The following ARB2A variants were observed in gnomAD, a reference collection of about 807,000 sequenced individuals.
ARB2A encodes the protein cotranscriptional regulator ARB2A.
chr5:93,862,087 T>A, the ARB2A span: 1 of 152,244 alleles, frequency 6.6e-6, no homozygotes, highest in Non-Finnish European at 1.5e-5. Context: ...TATGATTTAT[T>A]ACTTCCTTGA....
chr5:93,856,273 T>C, the ARB2A span, among the ~76,000 whole-genome samples: 1 of 152,146 alleles, frequency 6.6e-6, no homozygotes, highest in Non-Finnish European at 1.5e-5. Flanking sequence ...GAGTTGCTCT[T>C]CTCGAGGAGT....
At chr5:93,932,663 G>C in the ARB2A span, among the ~76,000 whole-genome samples, 1 of 152,088 alleles carries the variant, frequency 6.6e-6, no homozygotes, top group African/African-American at 2.4e-5. Flanking sequence ...TACATAATTG[G>C]AACTGTTTTT....
chr5:93,659,861 T>C, the ARB2A span, among the ~76,000 whole-genome samples: 1 of 152,150 alleles, frequency 6.6e-6, no homozygotes, highest in Non-Finnish European at 1.5e-5. Flanking sequence ...TCCGCAGTAC[T>C]AAACTACCCC....
the ARB2A span, among the ~76,000 whole-genome samples, chr5:93,979,018 G>A: frequency 6.6e-6 from 1 of 152,012 alleles, no homozygotes; most frequent in South Asian, 2.1e-4. Context: ...TACTTAAAAT[G>A]TTCTTAACAC....
the ARB2A span, among the ~76,000 whole-genome samples, chr5:93,946,996 C>G: frequency 4.6e-4 from 70 of 152,166 alleles, no homozygotes; most frequent in African/African-American, 1.7e-3. Flanking sequence ...TTTTTAATGT[C>G]ATATTTTTTC....
the ARB2A span, among the ~76,000 whole-genome samples, chr5:93,671,219 C>T: frequency 2.6e-4 from 39 of 152,240 alleles, no homozygotes; most frequent in Non-Finnish European, 4.0e-4. Context: ...ACACTGTCAT[C>T]ATTTCTGTTG....
chr5:94,002,601 A>C, the ARB2A span, among the ~76,000 whole-genome samples: 1 of 152,146 alleles, frequency 6.6e-6, no homozygotes, highest in African/African-American at 2.4e-5. Context: ...ACGAATCTAA[A>C]AAGCCTTGTT....
At chr5:93,913,161 TC>T in the ARB2A span, among the ~76,000 whole-genome samples, 3 of 151,838 alleles carry the variant, frequency 2.0e-5, no homozygotes, top group Non-Finnish European at 4.4e-5. Flanking sequence ...TTGCTCTGAT[TC>T]CCCACACTTA....
chr5:94,050,957 AGATTT>A, the ARB2A span: 1 of 675,358 alleles, frequency 1.5e-6, no homozygotes, highest in Non-Finnish European at 2.3e-6. Context: ...CTTTTTCATT[AGATTT>A]TTTTCTTCAG....
At chr5:94,091,482 G>A in the ARB2A span, among the ~76,000 whole-genome samples, 1 of 152,128 alleles carries the variant, frequency 6.6e-6, no homozygotes, top group African/African-American at 2.4e-5. Flanking sequence ...ATGCTTCAAG[G>A]CCAGAGAGAA....
chr5:93,990,242 A>G, the ARB2A span, among the ~76,000 whole-genome samples: 1 of 152,142 alleles, frequency 6.6e-6, no homozygotes, highest in East Asian at 1.9e-4. Context: ...AGCCTTTGCT[A>G]TGCCATCTGA....
At chr5:93,794,018 C>A in the ARB2A span, among the ~76,000 whole-genome samples, 2 of 152,254 alleles carry the variant, frequency 1.3e-5, no homozygotes, top group Middle Eastern at 3.4e-3. Context: ...TGAGAGCACT[C>A]CCAAGGGCTG....
At chr5:93,873,065 T>C in the ARB2A span, among the ~76,000 whole-genome samples, 1 of 152,274 alleles carries the variant, frequency 6.6e-6, no homozygotes, top group South Asian at 2.1e-4. Context: ...TTTATACAAA[T>C]AGGCAAAGGC....
chr5:93,906,827 A>C, the ARB2A span, among the ~76,000 whole-genome samples: 3 of 151,486 alleles, frequency 2.0e-5, no homozygotes, highest in Admixed American at 6.6e-5. Context: ...TCGGAGCAAA[A>C]TTTTTGAGGA....
At chr5:93,770,564 T>C in the ARB2A span, among the ~76,000 whole-genome samples, 6 of 152,128 alleles carry the variant, frequency 3.9e-5, no homozygotes, top group Non-Finnish European at 5.9e-5. Context: ...AACCCCATTG[T>C]CTCAGCCCAA....
chr5:93,931,439 G>C, the ARB2A span, among the ~76,000 whole-genome samples: 1 of 152,086 alleles, frequency 6.6e-6, no homozygotes, highest in East Asian at 1.9e-4. Context: ...ATTCCAGCCT[G>C]GGCAACAAGA....
the ARB2A span, among the ~76,000 whole-genome samples, chr5:94,021,440 C>A: frequency 6.6e-6 from 1 of 152,154 alleles, no homozygotes; most frequent in African/African-American, 2.4e-5. Flanking sequence ...TGGAAAGCTG[C>A]CATACTGTGA....
chr5:93,994,897 C>A, the ARB2A span, among the ~76,000 whole-genome samples: 1 of 150,632 alleles, frequency 6.6e-6, no homozygotes, highest in South Asian at 2.1e-4. Context: ...AAGAGCAAGA[C>A]CCTGTCTCTA....
At chr5:94,056,788 G>A in the ARB2A span, among the ~76,000 whole-genome samples, 4 of 152,212 alleles carry the variant, frequency 2.6e-5, no homozygotes, top group Admixed American at 2.0e-4. Context: ...AGTGTACATA[G>A]ATGGGTGAAT....
Sources: gnomAD v4.1 joint callset for allele counts (sites outside exome capture counted in the v4.1 genomes callset) on GRCh38, gnomAD v4.1.1 for gene constraint, MANE v1.5 for transcripts, NCBI Gene and HGNC (gene_info 2026-07-23, HGNC 2026-07-21) for gene names.